Variants in GPR4 observed in about 807,000 individuals in gnomAD.
The protein encoded by GPR4 is G protein-coupled receptor 4, also known as G-prodeshotein coupled receptor 4.
A neutral mutation model predicts 17.8 loss-of-function variants in GPR4; 11 were observed. That is an observed-to-expected ratio of 0.62 (90% confidence interval 0.39 to 1.02). The LOEUF is 1.02. Ranked by LOEUF, GPR4 falls within the 50% of genes least tolerant of loss-of-function variation. The pLI, the probability that GPR4 is intolerant of heterozygous loss-of-function variation, is 0.00. For missense variants in GPR4, 364 were observed against 495.4 expected (o/e 0.73, Z 2.52); for synonymous variants, 219 against 222.8 (o/e 0.98, Z 0.15).
intron 1 of GPR4, among the ~76,000 whole-genome samples, chr19:45,593,526 G>GA (rs149403242): frequency 0.31 from 43,460 of 138,666 alleles, 6,585 homozygotes; most frequent in South Asian, 0.33. Flanking sequence ...AGAAAAAAAA[G>GA]AAAAAAAAAA....
chr19:45,597,444 T>A (rs577737744), intron 1 of GPR4, among the ~76,000 whole-genome samples: 1 of 152,272 alleles, frequency 6.6e-6, no homozygotes, highest in South Asian at 2.1e-4. Flanking sequence ...GACTCTCCCC[T>A]GCCCCAGGAC....
intron 1 of GPR4, among the ~76,000 whole-genome samples, chr19:45,598,246 C>T (rs1311049928): frequency 2.6e-5 from 4 of 152,060 alleles, no homozygotes; most frequent in Non-Finnish European, 4.4e-5. Flanking sequence ...ATATCAGCTC[C>T]GTAACATGCA....
Position 45,590,592 on chromosome 19 carries a change from A to G in GPR4, c.*186T>C. 1 of 658,258 alleles carries G rather than the reference A, an allele frequency of 1.5e-6. No homozygotes were observed. The highest frequency in any genetic ancestry group is 3.0e-5 in the East Asian group (1 of 33,220). 40.8% of individuals were successfully genotyped at this position (658,258 alleles called of 1,614,324 possible). On this transcript the variant is annotated 3_prime_UTR_variant, in exon 2 of 2. Coordinates refer to ENST00000323040, the MANE Select transcript of GPR4 (RefSeq NM_005282.3). ...CTTCAGGAGGCCCTCCACAATCGCCAAACTGTGATGGGATCTGGGAGCACA... is the reference window on the plus strand; with the variant it reads ...CTTCAGGAGGCCCTCCACAATCGCCGAACTGTGATGGGATCTGGGAGCACA...
chr19:45,593,846 C>G (rs1277577865), intron 1 of GPR4, among the ~76,000 whole-genome samples: 1 of 151,598 alleles, frequency 6.6e-6, no homozygotes, highest in Admixed American at 6.6e-5. Flanking sequence ...CATAGCAGAT[C>G]CCATTCCAGG....
chr19:45,593,376 G>A (rs1970018514), intron 1 of GPR4, among the ~76,000 whole-genome samples: 2 of 151,748 alleles, frequency 1.3e-5, no homozygotes, highest in African/African-American at 2.4e-5. Flanking sequence ...GCACGTGCCT[G>A]TAATCCCAGC....
chr19:45,596,021 G>T (rs1409263501), intron 1 of GPR4, among the ~76,000 whole-genome samples: 1 of 152,114 alleles, frequency 6.6e-6, no homozygotes, highest in Admixed American at 6.6e-5. Context: ...CACCTCCCCA[G>T]TGCTTCCTGA....
rs1191257773 is a variant in GPR4 at position 45,594,060 on chromosome 19, A to T, written c.-831-1363T>A. Among the ~76,000 whole-genome samples the T allele has an allele frequency of 1.9e-3, 90 of 47,890 alleles. 1 individual carries two copies. Among genetic ancestry groups the T allele is most frequent in the Non-Finnish European group, 2.7e-3 (74 of 27,054 alleles). 31.4% of individuals were successfully genotyped at this position (47,890 alleles called of 152,430 possible). A position where few individuals can be genotyped will look rare whatever the true frequency, so the allele number is the denominator to read the frequency against. On this transcript the variant is annotated intron_variant, in intron 1 of 1. Coordinates refer to ENST00000323040, the MANE Select transcript of GPR4 (RefSeq NM_005282.3). ...CATGCCTGGCTTAAAAAAAAAAAAAAAAAATATATATATATATATATATAT... is the reference window on the plus strand; with the variant it reads ...CATGCCTGGCTTAAAAAAAAAAAAATAAAATATATATATATATATATATAT...
In GPR4 at chr19:45,591,708, G is replaced by A. The variant is rs1446130775; in HGVS notation, c.159C>T (p.Gly53=). ...YRQVQQRNEL[G]VYLMNLSIAD... ...CGATGCTGAGGTTCATCAGGTAGAC[G>A]CCCAGCTCGTTGCGCTGTTGCACCT... The change falls in exon 2 of 2, where the codon GGC becomes GGT. Residue 53 remains glycine, a synonymous_variant. Transcript: ENST00000323040. This position sits in a 1 kb window ranked among gnomAD's most constrained non-coding sequence, Gnocchi z 7.6. The A allele has an allele frequency of 1.2e-6, 2 of 1,613,954 alleles. No homozygotes were observed. Among genetic ancestry groups the A allele is most frequent in the African/African-American group, 1.3e-5 (1 of 74,946 alleles).
intron 1 of GPR4, chr19:45,599,860 G>A (rs1011480235): frequency 2.6e-5 from 4 of 151,996 alleles, no homozygotes; most frequent in South Asian, 2.1e-4. Context: ...TCCAAGATTC[G>A]AAAGTTCTAT....
rs1011833077 is a variant in GPR4, at chr19:45,594,484, G to A, written c.-831-1787C>T. On this transcript the variant is annotated intron_variant, in intron 1 of 1. Coordinates refer to ENST00000323040, the MANE Select transcript of GPR4 (RefSeq NM_005282.3). ...GGCCTCCCAAAATGCTAGGATTATA[G>A]GAGTGAGCCACCATGCCCGGCCAAT... Among the ~76,000 whole-genome samples the A allele has an allele frequency of 1.1e-4, 17 of 150,986 alleles. 1 individual carries two copies. Among genetic ancestry groups the A allele is most frequent in the African/African-American group, 4.1e-4 (17 of 41,036 alleles).
chr19:45,590,007 A>T lies in GPR4; in HGVS notation c.*771T>A, dbSNP rs1381922672. On this transcript the variant is annotated 3_prime_UTR_variant, in exon 2 of 2. Coordinates refer to ENST00000323040, the MANE Select transcript of GPR4 (RefSeq NM_005282.3). Reference sequence around the variant, plus strand: ...GATTGCCCTTCACTTGAGTTCTGACATTCTCCCTCTTCATCCTCAGTCTTG... The same window carrying T: ...GATTGCCCTTCACTTGAGTTCTGACTTTCTCCCTCTTCATCCTCAGTCTTG... The T allele has an allele frequency of 6.6e-6, 1 of 152,204 alleles. No homozygotes were observed. The highest frequency in any genetic ancestry group is 1.5e-5 in the Non-Finnish European group (1 of 68,070). The allele number at this position is 152,204 out of a possible 1,614,324, so 9.4% of individuals were successfully genotyped here.
chr19:45,591,157 A>G lies in GPR4; in HGVS notation c.710T>C (p.Phe237Ser). The change falls in exon 2 of 2, where the codon TTT (phenylalanine) becomes TCT (serine). Residue 237 changes from phenylalanine (F) to serine (S), a missense_variant. Transcript: ENST00000323040. The surrounding 1 kb of genome is among the most constrained non-coding windows in gnomAD (Gnocchi z 7.6). Reference sequence around the variant, plus strand: ...CAGCAAGAGCACGTGATAGGGCGCAAAGCAGACCAGCACGATGGCGATGAG... The same window carrying G: ...CAGCAAGAGCACGTGATAGGGCGCAGAGCAGACCAGCACGATGGCGATGAG... Reference protein sequence around the residue: ...LSLIAIVLVCFAPYHVLLLSR... With the variant: ...LSLIAIVLVCSAPYHVLLLSR... The G allele has an allele frequency of 6.2e-7, 1 of 1,613,636 alleles. No homozygotes were observed. The highest frequency in any genetic ancestry group is 1.1e-5 in the South Asian group (1 of 91,066).
chr19:45,594,063 A>AT (rs1555738313), intron 1 of GPR4, among the ~76,000 whole-genome samples: 852 of 36,198 alleles, frequency 0.024, 8 homozygotes, highest in Middle Eastern at 0.029. Flanking sequence ...AAAAAAAAAA[A>AT]ATATATATAT....
Position 45,591,566 on chromosome 19 carries a change from T to C in GPR4, c.301A>G (p.Ile101Val), listed in dbSNP as rs767326039. 6 of 1,613,382 alleles carry C rather than the reference T, an allele frequency of 3.7e-6. No homozygotes were observed. The highest frequency in any genetic ancestry group is 4.5e-5 in the East Asian group (2 of 44,788). The change falls in exon 2 of 2, where the codon ATC becomes GTC. Residue 101 changes from isoleucine to valine, a missense_variant. By Grantham distance (29) the Ile-to-Val change is conservative (BLOSUM62 3). This residue lies in a region of GPR4 where 271 missense variants were observed against 373.1 expected (regional missense o/e 0.73). Transcript: ENST00000323040. The surrounding 1 kb of genome is among the most constrained non-coding windows in gnomAD (Gnocchi z 7.6). The part of the protein sequence containing the change: ...KLFGFIFYTN[I>V]YISIAFLCCI... ...CACAGGAAGGCGATGCTGATGTAGA[T>C]ATTGGTGTAGAAGATGAACCCAAAG...
At chr19:45,598,973 C>T (rs1970085421) in intron 1 of GPR4, among the ~76,000 whole-genome samples, 1 of 152,174 alleles carries the variant, frequency 6.6e-6, no homozygotes, top group African/African-American at 2.4e-5. Flanking sequence ...CACCTGATCC[C>T]CATAACCCCG....
chr19:45,595,188 A>G (rs370823028), intron 1 of GPR4, among the ~76,000 whole-genome samples: 4 of 152,180 alleles, frequency 2.6e-5, no homozygotes, highest in Admixed American at 1.3e-4. Flanking sequence ...AGGTGGGAGA[A>G]TTGCTTGAAC....
At position 45,591,306 on chromosome 19, in the gene GPR4, G is replaced by C; in HGVS notation, c.561C>G (p.Phe187Leu). The C allele has an allele frequency of 6.2e-7, 1 of 1,612,834 alleles. No homozygotes were observed. The highest frequency in any genetic ancestry group is 1.3e-5 in the African/African-American group (1 of 75,028). Reference sequence around the variant, plus strand: ...GCGCCCACGGGAAGAGGAAGCCCACGAACACCCGATAGAGGTTCATCCAGG... The same window carrying C: ...GCGCCCACGGGAAGAGGAAGCCCACCAACACCCGATAGAGGTTCATCCAGG... ...WVAWMNLYRV[F>L]VGFLFPWALM... Residue 187 changes from phenylalanine to leucine, a missense_variant, in exon 2 of 2, where the codon TTC becomes TTG. Transcript: ENST00000323040. This position sits in a 1 kb window ranked among gnomAD's most constrained non-coding sequence, Gnocchi z 7.6.
Position 45,591,241 on chromosome 19 carries a change from C to T in GPR4, c.626G>A (p.Arg209Gln). ...CTGGCGCTCGGTGGACACGCTGCCC[C>T]GCACGGCCCGCAGGATGCCCCGGTA... Reference protein sequence around the residue: ...LSYRGILRAVRGSVSTERQEK... With the variant: ...LSYRGILRAVQGSVSTERQEK... The change falls in exon 2 of 2, where the codon CGG (arginine) becomes CAG (glutamine). Residue 209 changes from arginine (R) to glutamine (Q), a missense_variant. By Grantham distance (43) the Arg-to-Gln change is conservative. Around this residue, in one of 3 missense-constraint regions of GPR4, gnomAD observed 271 missense variants for 373.1 expected, o/e 0.73. Transcript: ENST00000323040. This position sits in a 1 kb window ranked among gnomAD's most constrained non-coding sequence, Gnocchi z 7.6. 4 of 1,613,210 alleles carry T rather than the reference C, an allele frequency of 2.5e-6. No individual in the cohort carries two copies. The highest frequency in any genetic ancestry group is 3.4e-6 in the Non-Finnish European group (4 of 1,179,954).
intron 1 of GPR4, among the ~76,000 whole-genome samples, chr19:45,600,966 C>A (rs1256790065): frequency 6.6e-6 from 1 of 152,138 alleles, no homozygotes. Context: ...TCCAGGAGCC[C>A]CTATGGGTCT....
Sources: gnomAD v4.1 joint callset for allele counts (sites outside exome capture counted in the v4.1 genomes callset) on GRCh38, gnomAD v4.1.1 for gene constraint, gnomAD v4.1.1 regional missense constraint, Gnocchi (gnomAD v3.1) non-coding constraint, MANE v1.5 for transcripts, NCBI Gene and HGNC (gene_info 2026-07-23, HGNC 2026-07-21) for gene names.